PDLIM5: variants seen among roughly 807,000 people sequenced by gnomAD.
PDLIM5 encodes the protein PDZ and LIM domain 5, also known as PDZ and LIM domain protein 5.
PDLIM5 carries 34 observed loss-of-function variants against 64.2 expected under a neutral mutation model. The observed-to-expected ratio is 0.53, with a 90% confidence interval of 0.40 to 0.71. The LOEUF (loss-of-function observed/expected upper bound fraction) is 0.71. Among genes scored for constraint, PDLIM5 ranks in the 30% least tolerant of loss-of-function variants. The pLI, the probability that PDLIM5 is intolerant of heterozygous loss-of-function variation, is 0.00. For missense variants in PDLIM5, 683 were observed against 733.6 expected (o/e 0.93, Z 0.80); for synonymous variants, 253 against 269.1 (o/e 0.94, Z 0.59).
At chr4:94,548,539 T>A (rs1479119876) in intron 3 of PDLIM5, among the ~76,000 whole-genome samples, 3 of 152,124 alleles carry the variant, frequency 2.0e-5, no homozygotes, top group Non-Finnish European at 2.9e-5. Flanking sequence ...TACATCCAAT[T>A]TTCAATTTAG....
At chr4:94,585,315 C>G (rs1736089224) in intron 5 of PDLIM5, among the ~76,000 whole-genome samples, 1 of 152,050 alleles carries the variant, frequency 6.6e-6, no homozygotes, top group Non-Finnish European at 1.5e-5. Context: ...TGGTCTCAAT[C>G]TCCTGACCTC....
chr4:94,491,846 G>C (rs536798239), intron 2 of PDLIM5, among the ~76,000 whole-genome samples: 1 of 152,128 alleles, frequency 6.6e-6, no homozygotes, highest in South Asian at 2.1e-4. Context: ...AATGTGGAAT[G>C]ATTAATGCAA....
At chr4:94,571,330 A>G (rs3805269) in intron 3 of PDLIM5, among the ~76,000 whole-genome samples, 5 of 152,330 alleles carry the variant, frequency 3.3e-5, no homozygotes, top group East Asian at 3.9e-4. Flanking sequence ...ACAAAAGTCA[A>G]TCAACTTCAA....
chr4:94,549,731 T>G (rs1241770227), intron 3 of PDLIM5: 7 of 152,180 alleles, frequency 4.6e-5, no homozygotes, highest in Admixed American at 4.6e-4. Flanking sequence ...GGATAAAGTA[T>G]TCTGTGCTCA....
chr4:94,467,812 A>G (rs1381227325), intron 2 of PDLIM5, among the ~76,000 whole-genome samples: 1 of 152,196 alleles, frequency 6.6e-6, no homozygotes, highest in East Asian at 1.9e-4. Context: ...TGCCCTGCAC[A>G]ACAAACATGC....
chr4:94,665,540 T>C lies in PDLIM5; in HGVS notation c.*1473T>C. The C allele has an allele frequency of 1.1e-6, 1 of 885,038 alleles. No homozygotes were observed. Among genetic ancestry groups the C allele is most frequent in the Non-Finnish European group, 1.3e-6 (1 of 744,344 alleles). 54.8% of individuals were successfully genotyped at this position (885,038 alleles called of 1,614,324 possible). A position where few individuals can be genotyped will look rare whatever the true frequency, so the allele number is the denominator to read the frequency against. The stretch of plus-strand genomic sequence containing the variant: ...GAGAATAAATAGAAAAGAATGTGGC[T>C]GGGAATTGTGAATCAGAAGATTATA... On this transcript the variant is annotated 3_prime_UTR_variant, in exon 13 of 13. Coordinates refer to ENST00000317968, the MANE Select transcript of PDLIM5 (RefSeq NM_006457.5).
chr4:94,474,541 A>G (rs1725158807), intron 2 of PDLIM5, among the ~76,000 whole-genome samples: 1 of 152,178 alleles, frequency 6.6e-6, no homozygotes, highest in Admixed American at 6.5e-5. Flanking sequence ...GTGAGCCACC[A>G]TGCCTGGCCC....
At chr4:94,592,889 G>T (rs1560727439) in intron 7 of PDLIM5, among the ~76,000 whole-genome samples, 1 of 152,088 alleles carries the variant, frequency 6.6e-6, no homozygotes, top group Non-Finnish European at 1.5e-5. Flanking sequence ...TAGGATCGTC[G>T]GTGTGAGCCA....
intron 2 of PDLIM5, among the ~76,000 whole-genome samples, chr4:94,523,162 G>A (rs1729979316): frequency 2.0e-5 from 3 of 152,186 alleles, no homozygotes; most frequent in African/African-American, 7.2e-5. Context: ...AATGCCTAGA[G>A]CAGGAAGCAC....
At chr4:94,582,694 T>A in intron 5 of PDLIM5, 1 of 1,554,342 alleles carries the variant, frequency 6.4e-7, no homozygotes, top group Non-Finnish European at 8.9e-7. Flanking sequence ...CATCTTTTTT[T>A]GTGTGTGTTA....
chr4:94,612,482 C>T (rs531797215), intron 7 of PDLIM5, among the ~76,000 whole-genome samples: 1 of 152,230 alleles, frequency 6.6e-6, no homozygotes, highest in South Asian at 2.1e-4. Flanking sequence ...TACACTTAGA[C>T]CACACTTTTA....
chr4:94,576,554 C>A (rs558113649), intron 5 of PDLIM5, among the ~76,000 whole-genome samples: 1 of 152,308 alleles, frequency 6.6e-6, no homozygotes, highest in African/African-American at 2.4e-5. Context: ...AGAGAGCTAA[C>A]AACATTGTTT....
In PDLIM5 at chr4:94,623,742, A is replaced by G. The variant is rs560304868; in HGVS notation, c.1108+5551A>G. Among the ~76,000 whole-genome samples, 14 of 152,194 alleles carry G rather than the reference A, an allele frequency of 9.2e-5. No homozygotes were observed. The South Asian group carries it at 2.9e-3, about 32-fold the overall frequency. ...CATCATACGATCTGAAGGATGCAGA[A>G]TTCATCTGCCAGGATATTGTTCTGT... On this transcript the variant is annotated intron_variant, in intron 8 of 12. Transcript: ENST00000317968.
intron 2 of PDLIM5, among the ~76,000 whole-genome samples, chr4:94,473,588 T>C (rs1294614933): frequency 1.3e-5 from 2 of 152,208 alleles, no homozygotes; most frequent in Non-Finnish European, 2.9e-5. Flanking sequence ...TGAAGGTAGA[T>C]ACTTCTCAAA....
chr4:94,523,841 G>C lies in PDLIM5; in HGVS notation c.214G>C (p.Gly72Arg). 1 of 1,613,436 alleles carries C rather than the reference G, an allele frequency of 6.2e-7. No homozygotes were observed. The highest frequency in any genetic ancestry group is 1.1e-5 in the South Asian group (1 of 91,052). The change falls in exon 3 of 13, where the codon GGT becomes CGT. Residue 72 changes from glycine (G) to arginine (R), a missense_variant. Coordinates refer to ENST00000317968, the MANE Select transcript of PDLIM5 (RefSeq NM_006457.5). ...THLEAQNKIKGCTGSLNMTLQ... is the reference protein window; with the variant it reads ...THLEAQNKIKRCTGSLNMTLQ... ...TCTTGAAGCCCAGAATAAGATTAAG[G>C]GTTGTACAGGCTCTTTGAATATGAC...
chr4:94,475,379 T>G (rs79624647), intron 2 of PDLIM5, among the ~76,000 whole-genome samples: 1,865 of 152,338 alleles, frequency 0.012, 32 homozygotes, highest in African/African-American at 0.042. Flanking sequence ...AAATTGGCAG[T>G]TGATTTAGCA....
intron 9 of PDLIM5, among the ~76,000 whole-genome samples, chr4:94,653,639 A>C (rs920610525): frequency 1.3e-5 from 2 of 152,172 alleles, no homozygotes; most frequent in African/African-American, 4.8e-5. Flanking sequence ...GTTGGTGCAC[A>C]GTGGGTATAA....
intron 2 of PDLIM5, among the ~76,000 whole-genome samples, chr4:94,472,168 A>G (rs1180960249): frequency 6.6e-6 from 1 of 152,134 alleles, no homozygotes; most frequent in Non-Finnish European, 1.5e-5. Flanking sequence ...ACACGCGCAC[A>G]CACACACACG....
chr4:94,598,490 GTTC>G (rs1055407426), intron 7 of PDLIM5, among the ~76,000 whole-genome samples: 6 of 152,074 alleles, frequency 3.9e-5, no homozygotes, highest in Non-Finnish European at 5.9e-5. Context: ...ATCTGGGCTG[GTTC>G]TTTGACCTAA....
Sources: allele counts gnomAD v4.1 joint callset (sites outside exome capture counted in the v4.1 genomes callset), GRCh38; gene constraint gnomAD v4.1.1; transcripts MANE v1.5; gene names NCBI Gene and HGNC (gene_info 2026-07-23, HGNC 2026-07-21).